The following CNTN5 variants were observed in gnomAD, a reference collection of about 807,000 sequenced individuals.
CNTN5 encodes the protein contactin-5.
CNTN5 carries 77 observed loss-of-function variants against 129.1 expected under a neutral mutation model. The ratio of observed to expected loss-of-function variants is 0.60; its 90% CI spans 0.50 to 0.72. The LOEUF (loss-of-function observed/expected upper bound fraction) is 0.72, where lower values mean the gene tolerates loss of function less well. Among genes scored for constraint, CNTN5 ranks in the 30% least tolerant of loss-of-function variants. The pLI is 0.00. For synonymous variants in CNTN5, 509 were observed against 465.6 expected, an observed-to-expected ratio of 1.09 and a Z score of -1.20; for missense variants, 1,478 against 1,328.8, an observed-to-expected ratio of 1.11 and a Z score of -1.75.
chr11:100,111,389 G>A (rs1945654350), intron 13 of CNTN5, among the ~76,000 whole-genome samples: 1 of 152,122 alleles, frequency 6.6e-6, no homozygotes, highest in Admixed American at 6.5e-5. Context: ...TACAAATGAT[G>A]AAAGGCATAT....
intron 18 of CNTN5, among the ~76,000 whole-genome samples, chr11:100,281,818 T>C (rs1011350882): frequency 3.3e-5 from 5 of 152,140 alleles, no homozygotes; most frequent in Non-Finnish European, 7.3e-5. Context: ...AAATAGCCTA[T>C]CTTAAAGTTT....
chr11:99,073,100 T>C (rs1865405236), intron 1 of CNTN5, among the ~76,000 whole-genome samples: 1 of 152,210 alleles, frequency 6.6e-6, no homozygotes, highest in African/African-American at 2.4e-5. Flanking sequence ...TAGTATTCCA[T>C]AATATGGATT....
intron 13 of CNTN5, among the ~76,000 whole-genome samples, chr11:100,096,443 C>A (rs1201381135): frequency 6.6e-6 from 1 of 152,034 alleles, no homozygotes; most frequent in Non-Finnish European, 1.5e-5. Flanking sequence ...CTACTCGCAC[C>A]TTTTGCCCTT....
chr11:99,976,268 C>T (rs1937963839), intron 8 of CNTN5, among the ~76,000 whole-genome samples: 1 of 152,210 alleles, frequency 6.6e-6, no homozygotes, highest in African/African-American at 2.4e-5. Flanking sequence ...CACAGGCTGG[C>T]ATTAAGTACT....
chr11:99,651,740 G>A (rs192903302), intron 3 of CNTN5, among the ~76,000 whole-genome samples: 2 of 151,798 alleles, frequency 1.3e-5, no homozygotes, highest in Admixed American at 1.3e-4. Flanking sequence ...CCTATCAACG[G>A]CCTCAGGATT....
intron 13 of CNTN5, among the ~76,000 whole-genome samples, chr11:100,173,018 G>A (rs904825251): frequency 6.6e-6 from 1 of 151,970 alleles, no homozygotes; most frequent in Non-Finnish European, 1.5e-5. Context: ...ATAAGGTAGG[G>A]GAGGTCAGAT....
At chr11:99,388,848 A>G (rs763574161) in intron 2 of CNTN5, among the ~76,000 whole-genome samples, 2 of 152,174 alleles carry the variant, frequency 1.3e-5, no homozygotes, top group Admixed American at 1.3e-4. Flanking sequence ...TTACACACAG[A>G]CACAGACACA....
rs576298363 is a variant in CNTN5, at chr11:99,986,919, C to G, written c.878-15115C>G. On this transcript the variant is annotated intron_variant, in intron 8 of 24. Transcript: ENST00000524871. ...AGAGATGTAATAGGAATCAAATTGA[C>G]AGAACTTGATAATTGACTGATTGCG... 1.1e-3 allele frequency among the ~76,000 whole-genome samples: 161 copies of G among 152,196 alleles called. 1 individual carries two copies. The Middle Eastern group carries it at 0.02, about 19-fold the overall frequency.
At chr11:100,305,051 A>G (rs1951315623) in intron 20 of CNTN5, among the ~76,000 whole-genome samples, 1 of 151,458 alleles carries the variant, frequency 6.6e-6, no homozygotes, top group Admixed American at 6.6e-5. Context: ...GGAACTATCT[A>G]TGTTTTCTGT....
chr11:99,593,434 C>A (rs1950038204), intron 3 of CNTN5, among the ~76,000 whole-genome samples: 1 of 152,044 alleles, frequency 6.6e-6, no homozygotes, highest in Admixed American at 6.6e-5. Flanking sequence ...CACTGGGGAC[C>A]CCCGTCAGTG....
chr11:99,369,126 C>T (rs558722491), intron 2 of CNTN5, among the ~76,000 whole-genome samples: 6 of 100,468 alleles, frequency 6.0e-5, no homozygotes, highest in East Asian at 5.8e-4. Flanking sequence ...TCCACAAAGA[C>T]GTTCACTGGG....
intron 2 of CNTN5, among the ~76,000 whole-genome samples, chr11:99,548,072 G>T (rs1948359787): frequency 6.6e-6 from 1 of 151,946 alleles, no homozygotes; most frequent in Non-Finnish European, 1.5e-5. Context: ...GTTTTCTATT[G>T]TTATTTTTCC....
intron 23 of CNTN5, among the ~76,000 whole-genome samples, chr11:100,345,994 A>G (rs524940): frequency 0.55 from 83,325 of 151,952 alleles, 23,231 homozygotes; most frequent in East Asian, 0.69. Flanking sequence ...TAATTTATTT[A>G]GCATATTTAT....
intron 2 of CNTN5, among the ~76,000 whole-genome samples, chr11:99,466,021 A>T (rs1944925332): frequency 6.6e-6 from 1 of 151,944 alleles, no homozygotes; most frequent in African/African-American, 2.4e-5. Flanking sequence ...AGCTGGGACT[A>T]CAGGTGTCCG....
At chr11:99,553,681 TTATAC>T (rs988769503) in intron 2 of CNTN5, among the ~76,000 whole-genome samples, 20 of 151,958 alleles carry the variant, frequency 1.3e-4, no homozygotes, top group African/African-American at 4.8e-4. Context: ...CTTGATTTAA[TTATAC>T]TATATTTTAT....
intron 2 of CNTN5, among the ~76,000 whole-genome samples, chr11:99,408,376 AAAAAAAAG>A (rs1332229202): frequency 1.3e-4 from 19 of 143,348 alleles, no homozygotes; most frequent in Admixed American, 4.8e-4. Flanking sequence ...CCAAAAAAAA[AAAAAAAAG>A]AAAGAAAGAA....
At chr11:99,286,707 CATAAAA>C (rs1444824174) in intron 1 of CNTN5, among the ~76,000 whole-genome samples, 1 of 151,836 alleles carries the variant, frequency 6.6e-6, no homozygotes, top group Non-Finnish European at 1.5e-5. Flanking sequence ...TGGAATAATC[CATAAAA>C]ATAAAAATTG....
intron 2 of CNTN5, among the ~76,000 whole-genome samples, chr11:99,531,877 C>T (rs1284199175): frequency 2.6e-5 from 4 of 152,142 alleles, no homozygotes; most frequent in South Asian, 2.1e-4. Context: ...CCTGTAGGGG[C>T]GGGGCCCTAC....
intron 2 of CNTN5, among the ~76,000 whole-genome samples, chr11:99,368,095 A>G (rs1939570077): frequency 6.6e-6 from 1 of 152,146 alleles, no homozygotes; most frequent in Non-Finnish European, 1.5e-5. Context: ...TGAGACTACA[A>G]TCCTTGAAAA....
Sources: allele counts gnomAD v4.1 joint callset (sites outside exome capture counted in the v4.1 genomes callset), GRCh38; gene constraint gnomAD v4.1.1; transcripts MANE v1.5; gene names NCBI Gene and HGNC (gene_info 2026-07-23, HGNC 2026-07-21).